CPQ: variants seen among roughly 807,000 people sequenced by gnomAD.
CPQ encodes Ser-Met dipeptidase.
A neutral mutation model predicts 45.7 loss-of-function variants in CPQ; 37 were observed. That is an observed-to-expected ratio of 0.81 (90% CI 0.62 to 1.07). CPQ has a LOEUF of 1.07. CPQ is among the 50% of genes least tolerant of loss of function. The pLI, the probability that CPQ is intolerant of heterozygous loss-of-function variation, is 0.00. For missense variants in CPQ, 537 were observed against 572.9 expected, an observed-to-expected ratio of 0.94 and a Z score of 0.64; for synonymous variants, 186 against 205.8, an observed-to-expected ratio of 0.90 and a Z score of 0.82.
intron 1 of CPQ, among the ~76,000 whole-genome samples, chr8:96,746,612 C>T (rs957818923): frequency 6.6e-6 from 1 of 152,188 alleles, no homozygotes; most frequent in Non-Finnish European, 1.5e-5. Flanking sequence ...ATTATTTCTT[C>T]CCGGAGCTTT....
chr8:96,657,772 C>A (rs1435910835), intron 1 of CPQ, among the ~76,000 whole-genome samples: 1 of 152,200 alleles, frequency 6.6e-6, no homozygotes, highest in Non-Finnish European at 1.5e-5. Flanking sequence ...GTGCCTTAGC[C>A]CTCTGGTTTA....
intron 5 of CPQ, among the ~76,000 whole-genome samples, chr8:97,005,150 C>T (rs778155471): frequency 5.3e-5 from 8 of 150,458 alleles, no homozygotes; most frequent in Non-Finnish European, 1.2e-4. Context: ...GGTGTGATCT[C>T]GGCTCACTGC....
At chr8:97,129,586 T>C (rs1811906043) in intron 7 of CPQ, among the ~76,000 whole-genome samples, 2 of 152,090 alleles carry the variant, frequency 1.3e-5, no homozygotes, top group Admixed American at 1.3e-4. Context: ...AAACAAAAAG[T>C]AGGAATGCTA....
intron 1 of CPQ, among the ~76,000 whole-genome samples, chr8:96,732,121 G>A (rs948177770): frequency 6.6e-6 from 1 of 152,122 alleles, no homozygotes; most frequent in African/African-American, 2.4e-5. Context: ...AATCAAAAGT[G>A]GTGTAAAATC....
At chr8:96,978,599 G>C (rs1431452501) in intron 5 of CPQ, among the ~76,000 whole-genome samples, 1 of 152,074 alleles carries the variant, frequency 6.6e-6, no homozygotes, top group Non-Finnish European at 1.5e-5. Flanking sequence ...GCTATGAGAG[G>C]GCCCCCTTTT....
Position 96,713,803 on chromosome 8 carries a change from A to G in CPQ, c.-35+68401A>G, listed in dbSNP as rs545482358. ...TTGACCTATTGTTTCAAGATTTAGA[A>G]CTCCTTTTATCATTTGTTGTAGGGC... On this transcript the variant is annotated intron_variant, in intron 1 of 7. Transcript: ENST00000220763. Among the ~76,000 whole-genome samples, 5 of 151,894 alleles carry G rather than the reference A, an allele frequency of 3.3e-5. No homozygotes were observed. In the South Asian group the frequency reaches 1.0e-3, roughly 32 times the overall value.
At chr8:97,042,379 C>T (rs200742490) in intron 6 of CPQ, among the ~76,000 whole-genome samples, 2 of 151,804 alleles carry the variant, frequency 1.3e-5, no homozygotes, top group Admixed American at 6.6e-5. Flanking sequence ...TCTCTCTTTT[C>T]TTCTTTATTA....
At chr8:96,900,642 T>G (rs1812502077) in intron 4 of CPQ, among the ~76,000 whole-genome samples, 1 of 152,174 alleles carries the variant, frequency 6.6e-6, no homozygotes, top group Non-Finnish European at 1.5e-5. Context: ...GGGTACATAG[T>G]GCTGCTTATA....
intron 7 of CPQ, among the ~76,000 whole-genome samples, chr8:97,108,081 T>C (rs554627195): frequency 8.0e-4 from 122 of 152,378 alleles, no homozygotes; most frequent in Non-Finnish European, 1.2e-3. Context: ...GGAAGATTTC[T>C]GATTAAGAAT....
At chr8:97,074,503 G>A (rs1386519996) in intron 7 of CPQ, among the ~76,000 whole-genome samples, 4 of 152,180 alleles carry the variant, frequency 2.6e-5, no homozygotes, top group Non-Finnish European at 4.4e-5. Flanking sequence ...CAGGCACGGT[G>A]GCCCACGCCT....
chr8:97,065,612 C>G (rs1810622883), intron 6 of CPQ, among the ~76,000 whole-genome samples: 1 of 152,186 alleles, frequency 6.6e-6, no homozygotes, highest in Non-Finnish European at 1.5e-5. Context: ...AGCATACCTT[C>G]TTTTGTCTGA....
chr8:97,015,391 G>C (rs1809561140), intron 5 of CPQ, among the ~76,000 whole-genome samples: 1 of 150,302 alleles, frequency 6.7e-6, no homozygotes, highest in Non-Finnish European at 1.5e-5. Context: ...GTTGATAAAA[G>C]AGCCCTACTA....
At chr8:97,019,990 T>C (rs11987777) in intron 5 of CPQ, among the ~76,000 whole-genome samples, 17,179 of 152,124 alleles carry the variant, frequency 0.11, 2,263 homozygotes, top group African/African-American at 0.32. Context: ...AAAACGAGTC[T>C]TGATAAATTC....
At chr8:97,089,144 G>A (rs1327704110) in intron 7 of CPQ, among the ~76,000 whole-genome samples, 1 of 150,840 alleles carries the variant, frequency 6.6e-6, no homozygotes, top group Non-Finnish European at 1.5e-5. Context: ...TCAGGAGGCT[G>A]AGACAAGAGA....
chr8:97,021,947 T>C (rs545219461), intron 5 of CPQ, among the ~76,000 whole-genome samples: 14 of 152,012 alleles, frequency 9.2e-5, no homozygotes, highest in Non-Finnish European at 1.8e-4. Flanking sequence ...GCAAGAAGAA[T>C]AAATCTGGAG....
intron 5 of CPQ, among the ~76,000 whole-genome samples, chr8:97,024,011 T>G (rs755087994): frequency 1.9e-4 from 29 of 152,308 alleles, no homozygotes; most frequent in Non-Finnish European, 3.4e-4. Flanking sequence ...CCTCAGCCAT[T>G]GTTCCCTAAA....
chr8:96,715,070 TTA>T (rs1013002065), intron 1 of CPQ, among the ~76,000 whole-genome samples: 7 of 151,698 alleles, frequency 4.6e-5, no homozygotes, highest in African/African-American at 1.7e-4. Context: ...ACATTTTAAT[TTA>T]TTTTTTTCCC....
chr8:96,666,342 G>T (rs1279083159), intron 1 of CPQ, among the ~76,000 whole-genome samples: 1 of 152,188 alleles, frequency 6.6e-6, no homozygotes, highest in Non-Finnish European at 1.5e-5. Context: ...GTGAGGGACA[G>T]TCCCTCCTGG....
chr8:96,679,778 T>G (rs1180567719), intron 1 of CPQ, among the ~76,000 whole-genome samples: 1 of 151,938 alleles, frequency 6.6e-6, no homozygotes, highest in Non-Finnish European at 1.5e-5. Context: ...TTTTTTTTGT[T>G]TCTGATTTTA....
Sources: allele counts gnomAD v4.1 joint callset (sites outside exome capture counted in the v4.1 genomes callset), GRCh38; gene constraint gnomAD v4.1.1; transcripts MANE v1.5; gene names NCBI Gene and HGNC (gene_info 2026-07-23, HGNC 2026-07-21).